Variants in PRKN observed in about 807,000 individuals in gnomAD.
PRKN encodes the protein E3 ubiquitin-protein ligase parkin.
PRKN carries 56 observed loss-of-function variants against 59.5 expected under a neutral mutation model. The observed-to-expected ratio is 0.94, with a 90% CI of 0.76 to 1.18. The LOEUF (loss-of-function observed/expected upper bound fraction) is 1.18, where lower values mean the gene tolerates loss of function less well. PRKN is among the 50% of genes most tolerant of loss of function. The probability of loss-of-function intolerance (pLI) is 0.00; values close to 1 mark genes in which losing one functional copy is unlikely to be tolerated. For synonymous variants in PRKN, 250 were observed against 222.1 expected (o/e 1.13, Z -1.12); for missense variants, 657 against 596.4 (o/e 1.10, Z -1.06).
At chr6:161,543,891 G>A (rs948498250) in intron 9 of PRKN, among the ~76,000 whole-genome samples, 3 of 152,128 alleles carry the variant, frequency 2.0e-5, no homozygotes, top group African/African-American at 7.2e-5. Context: ...CACTAAACAC[G>A]TCAGCATTTT....
At chr6:162,038,240 T>C (rs910479585) in intron 5 of PRKN, among the ~76,000 whole-genome samples, 10 of 152,110 alleles carry the variant, frequency 6.6e-5, no homozygotes, top group Non-Finnish European at 1.3e-4. Flanking sequence ...AGCCACTTAA[T>C]TTGAATACAT....
chr6:162,112,502 C>G (rs553364331), intron 4 of PRKN, among the ~76,000 whole-genome samples: 1 of 152,290 alleles, frequency 6.6e-6, no homozygotes, highest in Admixed American at 6.5e-5. Context: ...TTTGGCCCAA[C>G]ACAGTGTCTT....
intron 1 of PRKN, among the ~76,000 whole-genome samples, chr6:162,676,843 T>C (rs1270083400): frequency 3.3e-5 from 5 of 152,058 alleles, no homozygotes. Flanking sequence ...AGGTAGATCA[T>C]TGAGGCCAGG....
In PRKN at chr6:162,631,232, G is replaced by A. The variant is rs540418875; in HGVS notation, c.7+96430C>T. ...ATGTCAGGCCACCTCAGGAATGACT[G>A]TTCCACTACAGTCCATGTGCACTCA... On this transcript the variant is annotated intron_variant, in intron 1 of 11. Transcript: ENST00000366898. Among the ~76,000 whole-genome samples, 5 of 152,264 alleles carry A rather than the reference G, an allele frequency of 3.3e-5. No homozygotes were observed. The South Asian group carries it at 1.0e-3, about 32-fold the overall frequency.
chr6:161,476,481 A>G (rs1218552570), intron 9 of PRKN, among the ~76,000 whole-genome samples: 2 of 152,218 alleles, frequency 1.3e-5, no homozygotes, highest in African/African-American at 4.8e-5. Flanking sequence ...GAACTCAGAC[A>G]CTTAAGACAC....
At chr6:162,523,683 C>A (rs1778160922) in intron 1 of PRKN, among the ~76,000 whole-genome samples, 1 of 151,588 alleles carries the variant, frequency 6.6e-6, no homozygotes, top group Admixed American at 6.6e-5. Context: ...AGAAAAAATC[C>A]ATTGGTTATT....
intron 5 of PRKN, among the ~76,000 whole-genome samples, chr6:162,010,144 G>C (rs116626550): frequency 1.4e-5 from 2 of 146,526 alleles, no homozygotes; most frequent in Admixed American, 7.2e-5. Flanking sequence ...CCTCTGGCTC[G>C]TGTTAGCACA....
intron 6 of PRKN, among the ~76,000 whole-genome samples, chr6:161,821,305 T>C (rs551392324): frequency 1.3e-5 from 2 of 152,298 alleles, no homozygotes; most frequent in East Asian, 1.9e-4. Flanking sequence ...TTTTAAAATA[T>C]AGGCAGAATT....
At chr6:161,848,373 T>G (rs1344332449) in intron 6 of PRKN, among the ~76,000 whole-genome samples, 1 of 152,222 alleles carries the variant, frequency 6.6e-6, no homozygotes, top group Non-Finnish European at 1.5e-5. Context: ...TTTCTCTACC[T>G]TCATGTATTA....
At chr6:161,453,860 C>T (rs1789853945) in intron 9 of PRKN, among the ~76,000 whole-genome samples, 1 of 149,116 alleles carries the variant, frequency 6.7e-6, no homozygotes, top group South Asian at 2.2e-4. Context: ...TGTTACTATA[C>T]ACATTATTCA....
At chr6:161,637,833 G>C (rs1024945933) in intron 7 of PRKN, among the ~76,000 whole-genome samples, 1 of 152,166 alleles carries the variant, frequency 6.6e-6, no homozygotes, top group Admixed American at 6.5e-5. Flanking sequence ...TGTTGACCTA[G>C]AGGCAAAATT....
intron 9 of PRKN, among the ~76,000 whole-genome samples, chr6:161,517,695 G>A (rs528521081): frequency 3.3e-5 from 4 of 121,808 alleles, no homozygotes; most frequent in Non-Finnish European, 3.2e-5. Context: ...AGCCGAGATC[G>A]CGTCACTGCA....
At chr6:162,574,465 T>G (rs914840908) in intron 1 of PRKN, among the ~76,000 whole-genome samples, 3 of 152,212 alleles carry the variant, frequency 2.0e-5, no homozygotes, top group African/African-American at 7.2e-5. Flanking sequence ...TTAACGTCTC[T>G]TTCATAGTAT....
intron 7 of PRKN, among the ~76,000 whole-genome samples, chr6:161,610,384 A>G (rs1383996450): frequency 6.6e-6 from 1 of 152,038 alleles, no homozygotes; most frequent in Admixed American, 6.6e-5. Flanking sequence ...CGGGCAAAAC[A>G]GAAACAGGGC....
At chr6:161,772,579 A>G (rs939728989) in intron 7 of PRKN, among the ~76,000 whole-genome samples, 7 of 152,182 alleles carry the variant, frequency 4.6e-5, no homozygotes, top group African/African-American at 1.7e-4. Context: ...AACACAGGCA[A>G]TGAACTCTGC....
chr6:162,447,382 TA>T (rs34814242), intron 1 of PRKN, among the ~76,000 whole-genome samples: 69,482 of 151,852 alleles, frequency 0.46, 16,406 homozygotes, highest in East Asian at 0.59. Flanking sequence ...AAGGTTTAAT[TA>T]CATATGAAAA....
At chr6:161,541,993 A>C (rs1029209375) in intron 9 of PRKN, among the ~76,000 whole-genome samples, 2 of 152,302 alleles carry the variant, frequency 1.3e-5, no homozygotes, top group African/African-American at 4.8e-5. Flanking sequence ...ACTTGTATGT[A>C]GATTTTCTTC....
rs753821009 is a variant in PRKN, at chr6:161,461,288, G to A, written c.1084-74411C>T. Among the ~76,000 whole-genome samples, 30 of 152,170 alleles carry A rather than the reference G, an allele frequency of 2.0e-4. No individual in the cohort carries two copies. The highest frequency in any genetic ancestry group is 3.3e-4 in the Admixed American group (5 of 15,274). ...ATGGTTCAACATGAGTTAAGTATAAGGTGTCGCTGGAGATGAGGGGGATGG... is the reference window on the plus strand; with the variant it reads ...ATGGTTCAACATGAGTTAAGTATAAAGTGTCGCTGGAGATGAGGGGGATGG... On this transcript the variant is annotated intron_variant, in intron 9 of 11. Transcript: ENST00000366898. This position sits in a 1 kb window ranked among gnomAD's most constrained non-coding sequence, Gnocchi z 5.1.
intron 7 of PRKN, among the ~76,000 whole-genome samples, chr6:161,702,582 T>TGTCA (rs1233811693): frequency 6.6e-6 from 1 of 151,756 alleles, no homozygotes; most frequent in Non-Finnish European, 1.5e-5. Context: ...GGGTACTGAG[T>TGTCA]GTCAGTCTGG....
Sources: gnomAD v4.1 joint callset for allele counts (sites outside exome capture counted in the v4.1 genomes callset) on GRCh38, gnomAD v4.1.1 for gene constraint, Gnocchi (gnomAD v3.1) non-coding constraint, MANE v1.5 for transcripts, NCBI Gene and HGNC (gene_info 2026-07-23, HGNC 2026-07-21) for gene names.